Variants in MMP16 observed in about 807,000 individuals in gnomAD.
MMP16 encodes matrix metallopeptidase 16, also known as matrix metalloproteinase-16.
A neutral mutation model predicts 67.8 loss-of-function variants in MMP16; 12 were observed. That is an observed-to-expected ratio of 0.18 (90% CI 0.11 to 0.29). The LOEUF (loss-of-function observed/expected upper bound fraction) is 0.29, where lower values mean the gene tolerates loss of function less well. Ranked by LOEUF, MMP16 falls within the 10% of genes least tolerant of loss-of-function variation. The pLI is 1.00. For missense variants in MMP16, 475 were observed against 765.7 expected (o/e 0.62, Z 4.48); for synonymous variants, 249 against 255.9 (o/e 0.97, Z 0.26).
chr8:88,244,272 T>C (rs1304929377), intron 1 of MMP16, among the ~76,000 whole-genome samples: 1 of 152,146 alleles, frequency 6.6e-6, no homozygotes, highest in African/African-American at 2.4e-5. Context: ...TTGGGAAATA[T>C]AAAAATGTAA....
chr8:88,273,387 GGCCTAGAAAATAACCT>G (rs1172206254), intron 1 of MMP16, among the ~76,000 whole-genome samples: 2 of 151,690 alleles, frequency 1.3e-5, no homozygotes, highest in African/African-American at 4.8e-5. Context: ...CACCGCACCT[GGCCTAGAAAATAACCT>G]GCCTTTGATG....
At chr8:88,245,587 G>A (rs756444528) in intron 1 of MMP16, among the ~76,000 whole-genome samples, 128 of 152,298 alleles carry the variant, frequency 8.4e-4, no homozygotes, top group Non-Finnish European at 1.3e-3. Flanking sequence ...AGACCAATCT[G>A]TATGAGACGG....
At chr8:88,054,627 C>T (rs538284844) in intron 8 of MMP16, among the ~76,000 whole-genome samples, 14 of 151,994 alleles carry the variant, frequency 9.2e-5, no homozygotes, top group East Asian at 5.8e-4. Context: ...TTTATTATAA[C>T]GAATTAAAAT....
intron 4 of MMP16, among the ~76,000 whole-genome samples, chr8:88,162,583 A>G (rs1297170971): frequency 2.0e-5 from 3 of 152,008 alleles, no homozygotes; most frequent in Non-Finnish European, 2.9e-5. Flanking sequence ...GTATTCCCAC[A>G]GTTGGTGGTA....
At chr8:88,092,041 G>C (rs1808947124) in intron 6 of MMP16, among the ~76,000 whole-genome samples, 1 of 151,746 alleles carries the variant, frequency 6.6e-6, no homozygotes, top group Admixed American at 6.6e-5. Context: ...AAATGCAGCA[G>C]TGATCCAAGA....
At chr8:88,280,993 T>C (rs1810724704) in intron 1 of MMP16, among the ~76,000 whole-genome samples, 1 of 152,100 alleles carries the variant, frequency 6.6e-6, no homozygotes, top group Non-Finnish European at 1.5e-5. Context: ...CAACCTCACA[T>C]AGTACACATG....
At chr8:88,080,246 G>A (rs190978201) in intron 6 of MMP16, among the ~76,000 whole-genome samples, 160 of 152,198 alleles carry the variant, frequency 1.1e-3, no homozygotes, top group African/African-American at 3.6e-3. Context: ...AACTGTCATA[G>A]GATGAGTATA....
chr8:88,208,910 A>G (rs1228048607), intron 1 of MMP16, among the ~76,000 whole-genome samples: 2 of 152,064 alleles, frequency 1.3e-5, no homozygotes, highest in African/African-American at 4.8e-5. Flanking sequence ...TCAAGAGCTG[A>G]TGGATACCAC....
At chr8:88,215,644 G>T (rs1809580482) in intron 1 of MMP16, among the ~76,000 whole-genome samples, 1 of 152,056 alleles carries the variant, frequency 6.6e-6, no homozygotes, top group African/African-American at 2.4e-5. Flanking sequence ...ATCTCACCAG[G>T]CTCTGAAACT....
chr8:88,181,240 A>G (rs1808975397), intron 3 of MMP16, among the ~76,000 whole-genome samples: 1 of 152,118 alleles, frequency 6.6e-6, no homozygotes. Flanking sequence ...AAAAAAATAC[A>G]TACAACTGTC....
chr8:88,227,922 G>T (rs1809795998), intron 1 of MMP16, among the ~76,000 whole-genome samples: 1 of 151,878 alleles, frequency 6.6e-6, no homozygotes, highest in Admixed American at 6.6e-5. Flanking sequence ...TAGACAAAGG[G>T]TTAATATCAT....
At chr8:88,313,183 ATGT>A (rs1474506966) in intron 1 of MMP16, among the ~76,000 whole-genome samples, 1 of 152,062 alleles carries the variant, frequency 6.6e-6, no homozygotes, top group Non-Finnish European at 1.5e-5. Flanking sequence ...TTGTGTACTG[ATGT>A]TGTTGGACAT....
chr8:88,219,226 G>A (rs765742566), intron 1 of MMP16, among the ~76,000 whole-genome samples: 6 of 151,998 alleles, frequency 3.9e-5, no homozygotes, highest in Non-Finnish European at 5.9e-5. Flanking sequence ...CAAAGAAGGT[G>A]ACATTTTCAA....
chr8:88,100,847 A>G (rs1809129193), intron 6 of MMP16, among the ~76,000 whole-genome samples: 1 of 152,002 alleles, frequency 6.6e-6, no homozygotes, highest in East Asian at 1.9e-4. Context: ...TGAAGCTGGA[A>G]AGTATCATTC....
chr8:88,183,173 C>T (rs894633246), intron 3 of MMP16, among the ~76,000 whole-genome samples: 2 of 152,060 alleles, frequency 1.3e-5, no homozygotes, highest in Admixed American at 6.5e-5. Context: ...TCTATAGAAC[C>T]GTACAACACA....
rs142655243 is a variant in MMP16, at chr8:88,089,256, C to T, written c.1084-14513G>A. 6.3e-4 allele frequency among the ~76,000 whole-genome samples: 96 copies of T among 152,064 alleles called. No homozygotes were observed. In the East Asian group the frequency reaches 0.017, roughly 27 times the overall value. ...ACTGGGCTTTCATAGAAAAACTTTA[C>T]GGGTTTTTCTTAAAACCCTTAAAGG... is the stretch of plus-strand genomic sequence containing the variant. On this transcript the variant is annotated intron_variant, in intron 6 of 9. Transcript: ENST00000286614.
chr8:88,136,728 A>T (rs1454916841), intron 4 of MMP16, among the ~76,000 whole-genome samples: 1 of 151,824 alleles, frequency 6.6e-6, no homozygotes, highest in East Asian at 1.9e-4. Context: ...CATTTAACTC[A>T]TTCCACTGAA....
At chr8:88,147,676 T>C (rs1265735597) in intron 4 of MMP16, among the ~76,000 whole-genome samples, 3 of 151,584 alleles carry the variant, frequency 2.0e-5, no homozygotes, top group Non-Finnish European at 4.4e-5. Context: ...CTCCAGTGAC[T>C]ATGGGAGTTT....
chr8:88,292,355 T>C (rs925710874), intron 1 of MMP16, among the ~76,000 whole-genome samples: 3 of 152,160 alleles, frequency 2.0e-5, no homozygotes, highest in African/African-American at 7.2e-5. Flanking sequence ...AACATACCCA[T>C]ATACAAATAC....
Sources: allele counts gnomAD v4.1 joint callset (sites outside exome capture counted in the v4.1 genomes callset), GRCh38; gene constraint gnomAD v4.1.1; transcripts MANE v1.5; gene names NCBI Gene and HGNC (gene_info 2026-07-23, HGNC 2026-07-21).